Variants in ENTREP2 observed in about 807,000 individuals in gnomAD.
ENTREP2 encodes endosomal transmembrane epsin interactor 2, also known as protein ENTREP2.
the ENTREP2 span, among the ~76,000 whole-genome samples, chr15:29,549,533 G>A: frequency 7.2e-5 from 11 of 152,204 alleles, no homozygotes; most frequent in African/African-American, 2.4e-4. Context: ...GCCTCCCAAA[G>A]TGCTGGGATT....
the ENTREP2 span, among the ~76,000 whole-genome samples, chr15:29,154,930 G>T: frequency 6.6e-6 from 1 of 152,226 alleles, no homozygotes; most frequent in Non-Finnish European, 1.5e-5. Context: ...ACTTTCCCAA[G>T]TTTATAGAAC....
chr15:29,436,223 T>G, the ENTREP2 span, among the ~76,000 whole-genome samples: 1 of 152,208 alleles, frequency 6.6e-6, no homozygotes, highest in Non-Finnish European at 1.5e-5. Context: ...AAAATGTAGC[T>G]GTTTAATTCA....
the ENTREP2 span, among the ~76,000 whole-genome samples, chr15:29,212,426 C>T: frequency 2.0e-5 from 3 of 152,100 alleles, no homozygotes; most frequent in African/African-American, 7.2e-5. Context: ...TTTCAAAGAA[C>T]CGGCTTTTTG....
chr15:29,655,796 G>T, the ENTREP2 span, among the ~76,000 whole-genome samples: 3 of 152,020 alleles, frequency 2.0e-5, no homozygotes, highest in Admixed American at 6.6e-5. Flanking sequence ...GAGGCCAAGG[G>T]GGGTGGATCA....
the ENTREP2 span, among the ~76,000 whole-genome samples, chr15:29,158,639 G>A: frequency 2.0e-5 from 3 of 152,000 alleles, no homozygotes; most frequent in Non-Finnish European, 4.4e-5. Context: ...TCTGCTTTTT[G>A]AAAGTTTTAT....
chr15:29,164,468 T>C, the ENTREP2 span, among the ~76,000 whole-genome samples: 5 of 152,102 alleles, frequency 3.3e-5, no homozygotes, highest in African/African-American at 1.2e-4. Context: ...AGGACTCACA[T>C]AAAGTAAAGA....
At chr15:29,485,051 G>T in the ENTREP2 span, among the ~76,000 whole-genome samples, 2 of 152,242 alleles carry the variant, frequency 1.3e-5, no homozygotes, top group African/African-American at 4.8e-5. Flanking sequence ...AGCATTTCTG[G>T]CTTCTGGCCT....
At chr15:29,255,854 A>G in the ENTREP2 span, among the ~76,000 whole-genome samples, 1 of 152,224 alleles carries the variant, frequency 6.6e-6, no homozygotes, top group East Asian at 1.9e-4. Context: ...ACAAAAAGTT[A>G]GCCAGGCATG....
chr15:29,579,843 TG>T, the ENTREP2 span, among the ~76,000 whole-genome samples: 1 of 151,724 alleles, frequency 6.6e-6, no homozygotes, highest in Non-Finnish European at 1.5e-5. Flanking sequence ...CCCGAGTAGC[TG>T]GGCCTACAGA....
the ENTREP2 span, among the ~76,000 whole-genome samples, chr15:29,407,727 G>T: frequency 6.6e-6 from 1 of 152,060 alleles, no homozygotes; most frequent in Non-Finnish European, 1.5e-5. Context: ...GAGTGCAGTG[G>T]CTCGATCTCC....
At chr15:29,284,568 A>AC in the ENTREP2 span, among the ~76,000 whole-genome samples, 5 of 151,876 alleles carry the variant, frequency 3.3e-5, no homozygotes, top group Non-Finnish European at 7.4e-5. Flanking sequence ...AAAAAAAAAA[A>AC]AAAAACCAAA....
chr15:29,322,491 G>A, the ENTREP2 span, among the ~76,000 whole-genome samples: 1 of 151,990 alleles, frequency 6.6e-6, no homozygotes, highest in African/African-American at 2.4e-5. Flanking sequence ...TAATATGAAA[G>A]AAAAATAAAT....
chr15:29,129,787 C>T, the ENTREP2 span, among the ~76,000 whole-genome samples: 1 of 152,202 alleles, frequency 6.6e-6, no homozygotes, highest in Admixed American at 6.5e-5. Flanking sequence ...CCTCAGAGGG[C>T]ATCAGGGCCT....
At chr15:29,176,640 C>T in the ENTREP2 span, among the ~76,000 whole-genome samples, 1 of 152,244 alleles carries the variant, frequency 6.6e-6, no homozygotes, top group South Asian at 2.1e-4. Context: ...TGCTGAGGTC[C>T]TTGCCAAGCC....
the ENTREP2 span, among the ~76,000 whole-genome samples, chr15:29,655,255 ACT>A: frequency 6.6e-6 from 1 of 151,980 alleles, no homozygotes; most frequent in East Asian, 1.9e-4. Context: ...AACAAGAAAA[ACT>A]CTCTGGTAGC....
At chr15:29,483,545 C>T in the ENTREP2 span, among the ~76,000 whole-genome samples, 1 of 152,170 alleles carries the variant, frequency 6.6e-6, no homozygotes, top group Non-Finnish European at 1.5e-5. Flanking sequence ...CTGTTCCAGC[C>T]CCATCTGTTG....
the ENTREP2 span, among the ~76,000 whole-genome samples, chr15:29,134,049 A>T: frequency 2.0e-5 from 3 of 151,626 alleles, no homozygotes; most frequent in Admixed American, 2.0e-4. Context: ...CCTTCCATGG[A>T]CCCCCAAATT....
At chr15:29,634,671 C>A in the ENTREP2 span, among the ~76,000 whole-genome samples, 1 of 152,206 alleles carries the variant, frequency 6.6e-6, no homozygotes, top group Non-Finnish European at 1.5e-5. Flanking sequence ...TACCCCCCTT[C>A]CCAGCCCCGC....
chr15:29,205,585 C>A, the ENTREP2 span, among the ~76,000 whole-genome samples: 2 of 152,090 alleles, frequency 1.3e-5, no homozygotes, highest in African/African-American at 2.4e-5. Context: ...TGTTGTGCAC[C>A]TTTTCATGTG....
Sources: gnomAD v4.1 joint callset for allele counts (sites outside exome capture counted in the v4.1 genomes callset) on GRCh38, gnomAD v4.1.1 for gene constraint, MANE v1.5 for transcripts, NCBI Gene and HGNC (gene_info 2026-07-23, HGNC 2026-07-21) for gene names.